SYTL3: variants seen among roughly 807,000 people sequenced by gnomAD.
The protein encoded by SYTL3 is synaptotagmin like 3.
A neutral mutation model predicts 82.1 loss-of-function variants in SYTL3; 88 were observed. The observed-to-expected ratio is 1.07, with a 90% CI of 0.90 to 1.28. The LOEUF (loss-of-function observed/expected upper bound fraction) is 1.28. Among genes scored for constraint, SYTL3 ranks in the 50% most tolerant of loss-of-function variants. The probability of loss-of-function intolerance (pLI) is 0.00; values close to 1 mark genes in which losing one functional copy is unlikely to be tolerated. For missense variants in SYTL3, 831 were observed against 757.6 expected, an observed-to-expected ratio of 1.10 and a Z score of -1.14; for synonymous variants, 311 against 289.4, an observed-to-expected ratio of 1.07 and a Z score of -0.76.
chr6:158,731,602 C>T (rs559562588), intron 11 of SYTL3, among the ~76,000 whole-genome samples: 10 of 152,022 alleles, frequency 6.6e-5, no homozygotes, highest in East Asian at 1.9e-4. Context: ...TTTTTGTTGT[C>T]GTTGTTGTTG....
At chr6:158,708,158 G>A (rs944648033) in intron 7 of SYTL3, among the ~76,000 whole-genome samples, 164 bp from the exon 8 acceptor site, 3 of 152,122 alleles carry the variant, frequency 2.0e-5, no homozygotes, top group Non-Finnish European at 2.9e-5. Context: ...TCGTAGAGCA[G>A]CAGGTCCAAG....
intron 13 of SYTL3, among the ~76,000 whole-genome samples, chr6:158,753,270 A>C (rs3123096): frequency 0.49 from 74,247 of 150,978 alleles, 19,008 homozygotes; most frequent in African/African-American, 0.57. Flanking sequence ...TTTAGTACAG[A>C]TGGGGTTTCA....
At chr6:158,688,073 G>A (rs571687931) in intron 6 of SYTL3, among the ~76,000 whole-genome samples, 6 of 152,052 alleles carry the variant, frequency 3.9e-5, no homozygotes, top group South Asian at 2.1e-4. Context: ...ATTCAACTTG[G>A]CATAAACATT....
rs11963518 is a variant in SYTL3 at position 158,742,845 on chromosome 6, C to T, written c.856-2635C>T. Among the ~76,000 whole-genome samples, 1,397 of 152,248 alleles carry T rather than the reference C, an allele frequency of 9.2e-3. 13 individuals are homozygous for T. Among genetic ancestry groups the T allele is most frequent in the African/African-American group, 0.031 (1,290 of 41,538 alleles). On this transcript the variant is annotated intron_variant, in intron 11 of 17. Transcript: ENST00000611299. Reference sequence around the variant, plus strand: ...CTCATGATCTGCCCGCCTCGGCCTCCCAAAGTGCTGGGATTACAGGTGTGA... The same window carrying T: ...CTCATGATCTGCCCGCCTCGGCCTCTCAAAGTGCTGGGATTACAGGTGTGA...
At chr6:158,703,558 T>G (rs1781574580) in intron 6 of SYTL3, among the ~76,000 whole-genome samples, 1 of 152,152 alleles carries the variant, frequency 6.6e-6, no homozygotes, top group African/African-American at 2.4e-5. Context: ...GAAATGACAG[T>G]CAACAGTGGG....
At chr6:158,744,136 C>G (rs933560688) in intron 11 of SYTL3, among the ~76,000 whole-genome samples, 9 of 151,714 alleles carry the variant, frequency 5.9e-5, no homozygotes, top group Non-Finnish European at 1.2e-4. Context: ...AGGCTGGTCT[C>G]GAACTCCTGA....
intron 6 of SYTL3, among the ~76,000 whole-genome samples, chr6:158,700,133 G>A (rs190033258): frequency 1.4e-4 from 21 of 152,024 alleles, no homozygotes; most frequent in South Asian, 4.2e-4. Context: ...GTGCGTGCCT[G>A]TAATCCCAGC....
intron 9 of SYTL3, 83 bp downstream of exon 9, chr6:158,713,961 G>A (rs1351019609): frequency 2.3e-5 from 22 of 961,318 alleles, no homozygotes; most frequent in Admixed American, 2.0e-4. Context: ...CGGTGACCTC[G>A]GTTGACACTG....
intron 6 of SYTL3, among the ~76,000 whole-genome samples, chr6:158,690,911 C>T (rs547137252): frequency 3.3e-5 from 5 of 152,320 alleles, no homozygotes; most frequent in South Asian, 2.1e-4. Context: ...CCTCCATCCA[C>T]GGGCATTTGG....
chr6:158,710,537 CAAATT>C (rs1782644143), intron 8 of SYTL3, among the ~76,000 whole-genome samples: 1 of 151,100 alleles, frequency 6.6e-6, no homozygotes, highest in Non-Finnish European at 1.5e-5. Flanking sequence ...ATGCATAACA[CAAATT>C]AAAACTCTAA....
At chr6:158,657,207 A>G (rs1390977122) in intron 2 of SYTL3, among the ~76,000 whole-genome samples, 1 of 152,036 alleles carries the variant, frequency 6.6e-6, no homozygotes, top group African/African-American at 2.4e-5. Context: ...GGACAGATCA[A>G]CTGAGGTCAG....
rs191903984 is a variant in SYTL3 at position 158,751,860 on chromosome 6, G to A, written c.1035-68G>A. On this transcript the variant is annotated intron_variant, in intron 12 of 17. Transcript: ENST00000611299. Reference sequence around the variant, plus strand: ...AACGCTGGCATGTGGGTTCTCTGCTGCCCCCAAACTCTTTATCCACCCCTT... The same window carrying A: ...AACGCTGGCATGTGGGTTCTCTGCTACCCCCAAACTCTTTATCCACCCCTT... 1.4e-4 allele frequency: 173 copies of A among 1,198,796 alleles called. No individual in the cohort carries two copies. The African/African-American group carries it at 1.8e-3, about 12-fold the overall frequency. The allele number at this position is 1,198,796 out of a possible 1,614,324, so 74.3% of individuals were successfully genotyped here. A position where few individuals can be genotyped will look rare whatever the true frequency, so the allele number is the denominator to read the frequency against.
At chr6:158,658,390 A>G (rs916962414) in intron 2 of SYTL3, among the ~76,000 whole-genome samples, 8 of 152,232 alleles carry the variant, frequency 5.3e-5, no homozygotes, top group African/African-American at 1.7e-4. Flanking sequence ...GGGGTATGGT[A>G]CTGCACTCAT....
rs151065573 is a variant in SYTL3 at position 158,697,276 on chromosome 6, G to A, written c.395-9954G>A. On this transcript the variant is annotated intron_variant, in intron 6 of 17. Coordinates refer to ENST00000611299, the MANE Select transcript of SYTL3 (RefSeq NM_001242394.2). ...CAACATGGTGAAACCCCATCTCTACGGAAAAAAAAAAAAAAAAAAAAAAAT... is the reference window on the plus strand; with the variant it reads ...CAACATGGTGAAACCCCATCTCTACAGAAAAAAAAAAAAAAAAAAAAAAAT... 1.2e-3 allele frequency among the ~76,000 whole-genome samples: 127 copies of A among 105,726 alleles called. 1 individual carries two copies. Among genetic ancestry groups the A allele is most frequent in the African/African-American group, 5.5e-3 (117 of 21,218 alleles). The allele number at this position is 105,726 out of a possible 152,430, so 69.4% of individuals were successfully genotyped here.
chr6:158,680,192 C>T (rs1778501818), intron 5 of SYTL3, among the ~76,000 whole-genome samples: 1 of 152,138 alleles, frequency 6.6e-6, no homozygotes, highest in Non-Finnish European at 1.5e-5. Context: ...CCTTCAAAGG[C>T]ATGGGAATTT....
intron 5 of SYTL3, among the ~76,000 whole-genome samples, chr6:158,665,964 A>G (rs1790001121): frequency 6.6e-6 from 1 of 151,984 alleles, no homozygotes; most frequent in Admixed American, 6.6e-5. Context: ...TACAAAAATT[A>G]GCCAAGTGTG....
At chr6:158,662,281 C>T (rs145256635) in intron 3 of SYTL3, among the ~76,000 whole-genome samples, 1 of 152,196 alleles carries the variant, frequency 6.6e-6, no homozygotes, top group South Asian at 2.1e-4. Flanking sequence ...TATGCAGAAC[C>T]TTTCAGCTGT....
rs1039475994 is a variant in SYTL3, at chr6:158,742,661, C to T, written c.856-2819C>T. 4.0e-5 allele frequency among the ~76,000 whole-genome samples: 6 copies of T among 151,788 alleles called. No individual in the cohort carries two copies. In the East Asian group the frequency reaches 5.8e-4, roughly 15 times the overall value. ...TGTGATCTTGGCTCACTACAACCTCCGCCTCCTGGATTCAAGCTATTATCC... is the reference window on the plus strand; with the variant it reads ...TGTGATCTTGGCTCACTACAACCTCTGCCTCCTGGATTCAAGCTATTATCC... On this transcript the variant is annotated intron_variant, in intron 11 of 17. Transcript: ENST00000611299.
chr6:158,720,957 G>A (rs1232460237), intron 10 of SYTL3, among the ~76,000 whole-genome samples: 1 of 152,156 alleles, frequency 6.6e-6, no homozygotes, highest in African/African-American at 2.4e-5. Context: ...ATGGCCCGTG[G>A]GTCCTCGGCA....
Sources: allele counts gnomAD v4.1 joint callset (sites outside exome capture counted in the v4.1 genomes callset), GRCh38; gene constraint gnomAD v4.1.1; transcripts MANE v1.5; gene names NCBI Gene and HGNC (gene_info 2026-07-23, HGNC 2026-07-21).